The following PLPP1 variants were observed in gnomAD, a reference collection of about 807,000 sequenced individuals.
PLPP1 encodes the protein lipid phosphate phosphohydrolase 1a.
A neutral mutation model predicts 31.2 loss-of-function variants in PLPP1; 24 were observed. The ratio of observed to expected loss-of-function variants is 0.77; its 90% CI spans 0.56 to 1.08. The LOEUF is 1.08. Ranked by LOEUF, PLPP1 falls within the 50% of genes least tolerant of loss-of-function variation. PLPP1 has a pLI of 0.00. For missense variants in PLPP1, 319 were observed against 342.7 expected, an observed-to-expected ratio of 0.93 and a Z score of 0.55; for synonymous variants, 146 against 126.3, an observed-to-expected ratio of 1.16 and a Z score of -1.05.
chr5:55,521,707 G>A (rs1213601376), intron 1 of PLPP1, among the ~76,000 whole-genome samples: 4 of 152,018 alleles, frequency 2.6e-5, no homozygotes, highest in Non-Finnish European at 5.9e-5. Flanking sequence ...TCTACCATAA[G>A]TAATAAGCTA....
At chr5:55,530,807 C>T in intron 1 of PLPP1, 3 of 1,425,658 alleles carry the variant, frequency 2.1e-6, no homozygotes, top group Non-Finnish European at 3.0e-6. Context: ...GCGGTCCGCA[C>T]GGGCGTTTTG....
At chr5:55,442,450 G>A (rs866587397) in intron 3 of PLPP1, among the ~76,000 whole-genome samples, 3 of 152,010 alleles carry the variant, frequency 2.0e-5, no homozygotes, top group Admixed American at 6.6e-5. Context: ...TCAGGAGATC[G>A]AGACCATCCT....
At position 55,468,064 on chromosome 5, in the gene PLPP1, T is replaced by C; in HGVS notation, c.296A>G (p.Tyr99Cys). ...FIRNNYIATI[Y>C]KAIGTFLFGA... The stretch of plus-strand genomic sequence containing the variant: ...AAATAAAAAGGTTCCAATGGCTTTG[T>C]AAATAGTGGCTATGTAGTTATTCCT... The change falls in exon 3 of 6, where the codon TAC (tyrosine) becomes TGC (cysteine). Residue 99 changes from tyrosine (Y) to cysteine (C), a missense_variant. By Grantham distance (194) the Tyr-to-Cys change is radical. Transcript: ENST00000307259. The C allele has an allele frequency of 6.2e-7, 1 of 1,614,134 alleles. No homozygotes were observed.
chr5:55,495,230 T>C (rs1752981403), intron 1 of PLPP1, among the ~76,000 whole-genome samples: 1 of 151,832 alleles, frequency 6.6e-6, no homozygotes, highest in Non-Finnish European at 1.5e-5. Context: ...GGCATTAGAA[T>C]TTGCAACTTA....
intron 3 of PLPP1, among the ~76,000 whole-genome samples, chr5:55,454,883 AT>A (rs1204270653): frequency 6.6e-6 from 1 of 152,238 alleles, no homozygotes; most frequent in Non-Finnish European, 1.5e-5. Flanking sequence ...ATTAGACCAT[AT>A]TCTTCTTCAG....
At chr5:55,425,471 T>TAGAG in intron 5 of PLPP1, 137 bp from the exon 6 acceptor site, 2 of 777,736 alleles carry the variant, frequency 2.6e-6, no homozygotes, top group Non-Finnish European at 1.9e-6. Context: ...TATAAAAAAT[T>TAGAG]AGAGACTAAC....
chr5:55,523,979 G>A (rs1338000735), intron 1 of PLPP1, among the ~76,000 whole-genome samples: 1 of 152,158 alleles, frequency 6.6e-6, no homozygotes, highest in African/African-American at 2.4e-5. Flanking sequence ...ACACTGGTAT[G>A]GAGAGCTGAT....
chr5:55,428,492 C>T (rs1751264211), intron 4 of PLPP1, among the ~76,000 whole-genome samples: 2 of 152,346 alleles, frequency 1.3e-5, no homozygotes, highest in African/African-American at 4.8e-5. Flanking sequence ...CCCACCTTGC[C>T]AGCAAAAGTT....
chr5:55,436,504 G>C (rs898105251), intron 4 of PLPP1, among the ~76,000 whole-genome samples: 3 of 152,206 alleles, frequency 2.0e-5, no homozygotes, highest in African/African-American at 7.2e-5. Context: ...GGAACTGGGA[G>C]TCCAATTAAA....
At chr5:55,475,477 T>C in intron 1 of PLPP1, 27 bp from the exon 2 acceptor site, 2 of 1,564,400 alleles carry the variant, frequency 1.3e-6, no homozygotes, top group Non-Finnish European at 1.7e-6. Context: ...AATGAAAATA[T>C]CATTAAAAAA....
chr5:55,503,776 C>T, intron 1 of PLPP1, among the ~76,000 whole-genome samples: 1 of 120,546 alleles, frequency 8.3e-6, no homozygotes, highest in African/African-American at 3.1e-5. Context: ...GAGGCTGTCT[C>T]AAAACGAAGG....
chr5:55,431,138 A>G (rs541019996), intron 4 of PLPP1, among the ~76,000 whole-genome samples: 1 of 152,342 alleles, frequency 6.6e-6, no homozygotes, highest in African/African-American at 2.4e-5. Flanking sequence ...TAGAAAACCT[A>G]TTTGATTAAG....
At chr5:55,512,187 C>CT (rs1753429814) in intron 1 of PLPP1, among the ~76,000 whole-genome samples, 2 of 151,886 alleles carry the variant, frequency 1.3e-5, no homozygotes, top group Middle Eastern at 3.4e-3. Context: ...AGAAAGCAAG[C>CT]TGGTCAGGCG....
intron 1 of PLPP1, among the ~76,000 whole-genome samples, chr5:55,507,845 T>A (rs897493665): frequency 6.7e-5 from 9 of 134,974 alleles, no homozygotes; most frequent in African/African-American, 2.5e-4. Context: ...ATCTGCACAC[T>A]GATCACTGAA....
At chr5:55,533,496 G>T (rs1230588345) in intron 1 of PLPP1, among the ~76,000 whole-genome samples, 1 of 152,112 alleles carries the variant, frequency 6.6e-6, no homozygotes, top group African/African-American at 2.4e-5. Context: ...GACCCGGTTG[G>T]AAACTGGAGA....
At chr5:55,499,613 CATT>C (rs1753090468) in intron 1 of PLPP1, among the ~76,000 whole-genome samples, 1 of 152,052 alleles carries the variant, frequency 6.6e-6, no homozygotes, top group Non-Finnish European at 1.5e-5. Flanking sequence ...AGATTCATAA[CATT>C]GTTGTTCATG....
chr5:55,532,335 T>C (rs181282283), intron 1 of PLPP1, among the ~76,000 whole-genome samples: 6 of 152,214 alleles, frequency 3.9e-5, no homozygotes, highest in African/African-American at 9.6e-5. Flanking sequence ...GTTTGGCCCA[T>C]AGAAAAAAAT....
chr5:55,487,413 A>G (rs1752797198), intron 1 of PLPP1, among the ~76,000 whole-genome samples: 4 of 142,576 alleles, frequency 2.8e-5, no homozygotes. Context: ...TGTCAAATCT[A>G]ATATGGATCA....
intron 2 of PLPP1, 88 bp downstream of exon 2, chr5:55,475,211 G>A (rs1752509498): frequency 8.6e-7 from 1 of 1,160,444 alleles, no homozygotes. Context: ...TGTTTTTGGA[G>A]GATTACACAT....
Sources: allele counts gnomAD v4.1 joint callset (sites outside exome capture counted in the v4.1 genomes callset), GRCh38; gene constraint gnomAD v4.1.1; transcripts MANE v1.5; gene names NCBI Gene and HGNC (gene_info 2026-07-23, HGNC 2026-07-21).